SPRED1: variants seen among roughly 807,000 people sequenced by gnomAD.
The protein encoded by SPRED1 is sprouty-related, EVH1 domain-containing protein 1.
Under a neutral mutation model 52.3 loss-of-function variants are expected in SPRED1, and 18 were observed. That is an observed-to-expected ratio of 0.34 (90% CI 0.24 to 0.51). The LOEUF (loss-of-function observed/expected upper bound fraction) is 0.51, where lower values mean the gene tolerates loss of function less well. SPRED1 is among the 20% of genes least tolerant of loss of function. The probability of loss-of-function intolerance (pLI) is 0.97; values close to 1 mark genes in which losing one functional copy is unlikely to be tolerated. For missense variants in SPRED1, 485 were observed against 551.0 expected (o/e 0.88, Z 1.20); for synonymous variants, 155 against 179.7 (o/e 0.86, Z 1.10).
At chr15:38,286,138 A>G (rs1595725970) in intron 1 of SPRED1, among the ~76,000 whole-genome samples, 1 of 148,104 alleles carries the variant, frequency 6.8e-6, no homozygotes, top group Non-Finnish European at 1.5e-5. Context: ...ACGCCTACTG[A>G]GCTGAAAAGC....
chr15:38,268,874 T>G (rs532671630), intron 1 of SPRED1, among the ~76,000 whole-genome samples: 1 of 152,180 alleles, frequency 6.6e-6, no homozygotes, highest in African/African-American at 2.4e-5. Context: ...ATTTTCAGTC[T>G]TTGAAATCAT....
intron 5 of SPRED1, among the ~76,000 whole-genome samples, chr15:38,346,578 A>G (rs918505187): frequency 3.3e-5 from 5 of 152,184 alleles, no homozygotes; most frequent in African/African-American, 1.2e-4. Flanking sequence ...AGAGGTAACT[A>G]TTACCTGGAA....
intron 1 of SPRED1, among the ~76,000 whole-genome samples, chr15:38,257,845 T>C (rs1362617241): frequency 6.6e-6 from 1 of 152,210 alleles, no homozygotes; most frequent in Non-Finnish European, 1.5e-5. Flanking sequence ...GATTCCGTGA[T>C]TTTATACTGC....
rs1595763409 is a variant in SPRED1 at position 38,350,952 on chromosome 15, A to C, written c.685-62A>C. 6 of 1,498,330 alleles carry C rather than the reference A, an allele frequency of 4.0e-6. No homozygotes were observed. In the East Asian group the frequency reaches 1.4e-4, roughly 35 times the overall value. 92.8% of individuals were successfully genotyped at this position (1,498,330 alleles called of 1,614,324 possible). On this transcript the variant is annotated intron_variant, in intron 6 of 6. Coordinates refer to ENST00000299084, the MANE Select transcript of SPRED1 (RefSeq NM_152594.3). ...AAATATCTGGACACTGGCCCCACCA[A>C]GGTGACACGTAAAATTAACCATCAT...
intron 4 of SPRED1, among the ~76,000 whole-genome samples, chr15:38,332,447 C>T (rs1391124366): frequency 6.6e-6 from 1 of 151,996 alleles, no homozygotes. Context: ...ATGGAGTCCA[C>T]CTGTAGTCCC....
chr15:38,286,510 T>C (rs1465699649), intron 1 of SPRED1, among the ~76,000 whole-genome samples: 1 of 149,866 alleles, frequency 6.7e-6, no homozygotes, highest in Non-Finnish European at 1.5e-5. Flanking sequence ...ATATTTATCT[T>C]TTTCACCATC....
intron 1 of SPRED1, among the ~76,000 whole-genome samples, chr15:38,265,256 A>T (rs1429746164): frequency 6.6e-6 from 1 of 152,144 alleles, no homozygotes; most frequent in Non-Finnish European, 1.5e-5. Flanking sequence ...CTTCAGAGGG[A>T]TACAACCTCT....
At chr15:38,269,912 T>C (rs943423412) in intron 1 of SPRED1, among the ~76,000 whole-genome samples, 106 of 145,200 alleles carry the variant, frequency 7.3e-4, no homozygotes, top group Middle Eastern at 3.5e-3. Flanking sequence ...TTTCTTTTTT[T>C]TTTTTTTTTT....
intron 1 of SPRED1, among the ~76,000 whole-genome samples, chr15:38,290,698 A>C (rs1411953862): frequency 2.6e-5 from 4 of 152,186 alleles, no homozygotes; most frequent in Non-Finnish European, 1.5e-5. Context: ...AAGAAGCAAA[A>C]GTGGAAACCC....
chr15:38,312,393 C>T (rs532877368), intron 2 of SPRED1, among the ~76,000 whole-genome samples: 41 of 152,234 alleles, frequency 2.7e-4, no homozygotes, highest in African/African-American at 9.6e-4. Flanking sequence ...AAAGCTGAGT[C>T]AGGAAGCCTG....
chr15:38,289,651 G>A (rs903767432), intron 1 of SPRED1, among the ~76,000 whole-genome samples: 3 of 152,182 alleles, frequency 2.0e-5, no homozygotes, highest in Non-Finnish European at 4.4e-5. Flanking sequence ...GTCAGAGAAA[G>A]ATATAACTAC....
At chr15:38,323,387 A>C (rs1595747377) in intron 3 of SPRED1, among the ~76,000 whole-genome samples, 1 of 152,082 alleles carries the variant, frequency 6.6e-6, no homozygotes, top group Admixed American at 6.6e-5. Flanking sequence ...CTTTATTGTA[A>C]GACCCCATAA....
chr15:38,278,641 T>A (rs950270591), intron 1 of SPRED1, among the ~76,000 whole-genome samples: 4 of 152,150 alleles, frequency 2.6e-5, no homozygotes, highest in Admixed American at 2.6e-4. Flanking sequence ...TAAAATGATA[T>A]AGTATTTGCG....
At chr15:38,288,826 A>G (rs185575422) in intron 1 of SPRED1, among the ~76,000 whole-genome samples, 1 of 152,262 alleles carries the variant, frequency 6.6e-6, no homozygotes, top group East Asian at 1.9e-4. Flanking sequence ...CTCAATATTT[A>G]GGATTATTCA....
chr15:38,272,254 G>T (rs1894450635), intron 1 of SPRED1, among the ~76,000 whole-genome samples: 1 of 148,778 alleles, frequency 6.7e-6, no homozygotes, highest in African/African-American at 2.5e-5. Context: ...CCAATAATGA[G>T]ATTGTAGGGG....
intron 4 of SPRED1, among the ~76,000 whole-genome samples, chr15:38,338,216 G>GA (rs1282047400): frequency 3.9e-4 from 49 of 125,454 alleles, no homozygotes; most frequent in South Asian, 3.4e-3. Flanking sequence ...CATTTCAAAA[G>GA]AAAAAAAAAA....
At position 38,278,828 on chromosome 15, in the gene SPRED1, G is replaced by GTTTTTTTTTT. The variant is rs765637726; in HGVS notation, c.33-20539_33-20530dup. Among the ~76,000 whole-genome samples, 129 of 118,222 alleles carry GTTTTTTTTTT rather than the reference G, an allele frequency of 1.1e-3. 9 individuals are homozygous for GTTTTTTTTTT. The highest frequency in any genetic ancestry group is 1.5e-3 in the African/African-American group (48 of 32,476). The allele number at this position is 118,222 out of a possible 152,430, so 77.6% of individuals were successfully genotyped here. A position where few individuals can be genotyped will look rare whatever the true frequency, so the allele number is the denominator to read the frequency against. On this transcript the variant is annotated intron_variant, in intron 1 of 6. Transcript: ENST00000299084. ...ACAACCATTATAACCTAACTACACT[G>GTTTTTTTTTT]TTTTTTTTTTTTTTTGTGAAATGAA...
At chr15:38,284,329 C>T (rs1460980076) in intron 1 of SPRED1, among the ~76,000 whole-genome samples, 1 of 152,080 alleles carries the variant, frequency 6.6e-6, no homozygotes. Flanking sequence ...CTCATGAGTG[C>T]ATGTCTCAGT....
At chr15:38,305,031 C>G (rs1895223521) in intron 2 of SPRED1, among the ~76,000 whole-genome samples, 1 of 152,052 alleles carries the variant, frequency 6.6e-6, no homozygotes, top group East Asian at 1.9e-4. Flanking sequence ...TATTTTCCTT[C>G]AGTACTCTTT....
Sources: gnomAD v4.1 joint callset for allele counts (sites outside exome capture counted in the v4.1 genomes callset) on GRCh38, gnomAD v4.1.1 for gene constraint, MANE v1.5 for transcripts, NCBI Gene and HGNC (gene_info 2026-07-23, HGNC 2026-07-21) for gene names.